Variants in ZNF578 observed in about 807,000 individuals in gnomAD.
ZNF578 encodes Putative chemokine-related protein B42.
A neutral mutation model predicts 8.3 loss-of-function variants in ZNF578; 8 were observed. That is an observed-to-expected ratio of 0.96 (90% CI 0.56 to 1.74). The LOEUF (loss-of-function observed/expected upper bound fraction) is 1.74, where lower values mean the gene tolerates loss of function less well. Ranked by LOEUF, ZNF578 falls within the 40% of genes most tolerant of loss-of-function variation. ZNF578 has a pLI of 0.00. For missense variants in ZNF578, 726 were observed against 707.5 expected (o/e 1.03, Z -0.30); for synonymous variants, 206 against 232.2 (o/e 0.89, Z 1.03).
At chr19:52,453,907 C>G (rs1460907748) in intron 1 of ZNF578, 1 of 152,246 alleles carries the variant, frequency 6.6e-6, no homozygotes, top group Non-Finnish European at 1.5e-5. Flanking sequence ...GTATTCACGC[C>G]CAGTGGGTCC....
intron 2 of ZNF578, among the ~76,000 whole-genome samples, chr19:52,490,271 G>A (rs1271358750): frequency 1.3e-5 from 2 of 152,048 alleles, no homozygotes; most frequent in Non-Finnish European, 2.9e-5. Flanking sequence ...TGCACCCTCT[G>A]ACACTGTTAG....
chr19:52,491,695 A>C (rs77894733), intron 3 of ZNF578, among the ~76,000 whole-genome samples: 2,995 of 152,222 alleles, frequency 0.02, 95 homozygotes, highest in African/African-American at 0.068. Context: ...AGCATGGGCC[A>C]CAGAGAAATA....
At position 52,512,230 on chromosome 19, in the gene ZNF578, A is replaced by G. The variant is rs1257929091; in HGVS notation, c.*76A>G. 6.3e-7 allele frequency: 1 copy of G among 1,597,772 alleles called. No individual in the cohort carries two copies. The highest frequency in any genetic ancestry group is 8.5e-7 in the Non-Finnish European group (1 of 1,169,610). ...TCAGTCACAGATCACGCCTTAAAAG[A>G]CATAGGAGAATTCATACTGGAGAGA... is the stretch of plus-strand genomic sequence containing the variant. On this transcript the variant is annotated 3_prime_UTR_variant, in exon 6 of 6. Transcript: ENST00000421239.
At chr19:52,478,737 G>C (rs1651536) in intron 2 of ZNF578, among the ~76,000 whole-genome samples, 16,136 of 151,202 alleles carry the variant, frequency 0.11, 1,444 homozygotes, top group East Asian at 0.33. Context: ...TTTTTGAGAC[G>C]GAGTCTTGCT....
chr19:52,464,307 C>T (rs1249550817), intron 2 of ZNF578, among the ~76,000 whole-genome samples: 2 of 152,174 alleles, frequency 1.3e-5, no homozygotes, highest in Non-Finnish European at 2.9e-5. Flanking sequence ...TTAACTTTTT[C>T]ATGGCCTCGG....
At chr19:52,462,428 A>G (rs1042683329) in intron 2 of ZNF578, among the ~76,000 whole-genome samples, 1 of 152,194 alleles carries the variant, frequency 6.6e-6, no homozygotes, top group African/African-American at 2.4e-5. Flanking sequence ...TCCAAACACT[A>G]TTATTAACAT....
intron 2 of ZNF578, among the ~76,000 whole-genome samples, chr19:52,480,900 GATAATAATAATAATAATAATAATAATA>G (rs57989857): frequency 7.2e-6 from 1 of 139,340 alleles, no homozygotes. Context: ...CATCTCAAAA[GATAATAATAATAATAATAATAATAATA>G]ATAATAATAA....
At chr19:52,494,917 G>A (rs1456313308) in intron 3 of ZNF578, among the ~76,000 whole-genome samples, 3 of 151,980 alleles carry the variant, frequency 2.0e-5, no homozygotes, top group Non-Finnish European at 4.4e-5. Context: ...CTGAAGCCTC[G>A]ACCTCCTAGG....
intron 3 of ZNF578, among the ~76,000 whole-genome samples, chr19:52,501,395 C>T (rs572591826): frequency 5.3e-5 from 8 of 152,300 alleles, no homozygotes; most frequent in African/African-American, 1.7e-4. Flanking sequence ...TGGAACCCAC[C>T]CTCAGTAATA....
chr19:52,516,475 G>A lies in ZNF578; in HGVS notation c.*4321G>A, dbSNP rs1158520139. On this transcript the variant is annotated 3_prime_UTR_variant, in exon 6 of 6. Transcript: ENST00000421239. ...AGGGGGGACTGTATTTGCTCAGGGT[G>A]AGGTCTCCTTTGTGTCAGGCCTCTG... is the stretch of plus-strand genomic sequence containing the variant. Among the ~76,000 whole-genome samples the A allele has an allele frequency of 6.6e-6, 1 of 152,204 alleles. No individual in the cohort carries two copies. The highest frequency in any genetic ancestry group is 2.4e-5 in the African/African-American group (1 of 41,432).
intron 2 of ZNF578, chr19:52,474,555 G>T: frequency 3.2e-6 from 1 of 314,686 alleles, no homozygotes; most frequent in Admixed American, 4.2e-5. Flanking sequence ...CATTACATTT[G>T]TAAGGTTTCT....
At chr19:52,462,205 G>A (rs971453863) in intron 2 of ZNF578, among the ~76,000 whole-genome samples, 5 of 152,198 alleles carry the variant, frequency 3.3e-5, no homozygotes, top group African/African-American at 1.2e-4. Context: ...CGAACTCTGT[G>A]AATGAGCCAG....
intron 3 of ZNF578, among the ~76,000 whole-genome samples, chr19:52,498,533 G>T (rs183487828): frequency 6.6e-6 from 1 of 151,822 alleles, no homozygotes; most frequent in Non-Finnish European, 1.5e-5. Context: ...GGCATTCACC[G>T]TGTTAGCCAG....
intron 3 of ZNF578, among the ~76,000 whole-genome samples, chr19:52,492,016 T>C (rs1278732388): frequency 6.6e-6 from 1 of 151,096 alleles, no homozygotes; most frequent in Non-Finnish European, 1.5e-5. Context: ...AAAAATTAGC[T>C]GGGCTTCGTG....
chr19:52,472,635 T>C (rs2059295578), intron 2 of ZNF578, among the ~76,000 whole-genome samples: 1 of 152,204 alleles, frequency 6.6e-6, no homozygotes, highest in Non-Finnish European at 1.5e-5. Flanking sequence ...CCTAAGGCCA[T>C]GGCATGCTCT....
At chr19:52,504,848 T>C (rs1302974343) in intron 5 of ZNF578, 67 bp downstream of exon 5, 1 of 1,594,728 alleles carries the variant, frequency 6.3e-7, no homozygotes, top group Non-Finnish European at 8.5e-7. Context: ...CCTGGTTTTG[T>C]ATTCTCTTTT....
intron 2 of ZNF578, among the ~76,000 whole-genome samples, chr19:52,479,861 TGAA>T (rs2059319959): frequency 1.3e-5 from 2 of 152,216 alleles, no homozygotes; most frequent in Non-Finnish European, 2.9e-5. Context: ...AATTGACTAA[TGAA>T]ATATAATAGA....
chr19:52,505,578 T>G (rs1394397712), intron 5 of ZNF578, among the ~76,000 whole-genome samples: 1 of 151,760 alleles, frequency 6.6e-6, no homozygotes, highest in African/African-American at 2.4e-5. Flanking sequence ...CCCGCCACCA[T>G]GCCCAGCTAG....
At chr19:52,501,624 G>GC (rs2059407759) in intron 3 of ZNF578, among the ~76,000 whole-genome samples, 1 of 152,116 alleles carries the variant, frequency 6.6e-6, no homozygotes, top group Admixed American at 6.6e-5. Flanking sequence ...GCTCCAGGAG[G>GC]GGGGCGAGAT....
Sources: gnomAD v4.1 joint callset for allele counts (sites outside exome capture counted in the v4.1 genomes callset) on GRCh38, gnomAD v4.1.1 for gene constraint, MANE v1.5 for transcripts, NCBI Gene and HGNC (gene_info 2026-07-23, HGNC 2026-07-21) for gene names.